Variants in PUDP observed in about 807,000 individuals in gnomAD.
PUDP encodes pseudouridine-5'-phosphatase.
PUDP carries 8 observed loss-of-function variants against 9.4 expected under a neutral mutation model. The observed-to-expected ratio is 0.85, with a 90% confidence interval of 0.50 to 1.53. PUDP has a LOEUF of 1.53. PUDP is among the 40% of genes most tolerant of loss of function. The pLI is 0.00. For synonymous variants in PUDP, 99 were observed against 80.7 expected (o/e 1.23, Z -1.22); for missense variants, 188 against 189.7 (o/e 0.99, Z 0.05).
chrX:7,045,352 C>T (rs780235748), downstream of PUDP, among the ~76,000 whole-genome samples: 4 of 112,166 alleles, frequency 3.6e-5, no homozygotes, highest in East Asian at 5.6e-4. Context: ...GACCAATACA[C>T]GCTGGCTTTT....
At chrX:6,975,228 C>A (rs1928935294) in intron 3 of PUDP, among the ~76,000 whole-genome samples, 1 of 110,265 alleles carries the variant, frequency 9.1e-6, no homozygotes, top group Admixed American at 9.8e-5. Flanking sequence ...TCATCAAACT[C>A]ATTCTCCGTC....
At chrX:6,880,945 A>C (rs1052802527) in intron 3 of PUDP, among the ~76,000 whole-genome samples, 4 of 112,645 alleles carry the variant, frequency 3.6e-5, no homozygotes. Flanking sequence ...TTCTCTCATG[A>C]ATCTTGTAGT....
chrX:6,949,835 C>T (rs1368743358), intron 3 of PUDP, among the ~76,000 whole-genome samples: 1 of 111,765 alleles, frequency 8.9e-6, no homozygotes, highest in Non-Finnish European at 1.9e-5. Context: ...GATCATGGTG[C>T]CAGCCAGGGC....
chrX:6,706,649 C>G (rs747618298), intron 1 of PUDP, among the ~76,000 whole-genome samples: 1 of 111,553 alleles, frequency 9.0e-6, no homozygotes, highest in South Asian at 3.8e-4. Flanking sequence ...GATCAGAATA[C>G]GACACCCAAA....
chrX:6,733,624 G>C (rs1188874866), intron 3 of PUDP, among the ~76,000 whole-genome samples: 2 of 110,116 alleles, frequency 1.8e-5, no homozygotes, highest in Non-Finnish European at 3.8e-5. Flanking sequence ...ATGGTCCATA[G>C]CGGCTCAGAC....
In PUDP at chrX:7,057,964, T is replaced by TGAGA. The variant is rs1930293243; in HGVS notation, c.511-7493_511-7492insTCTC. 1.3e-5 allele frequency: 6 copies of TGAGA among 452,393 alleles called. No homozygotes were observed. The Admixed American group carries it at 2.2e-4, about 17-fold the overall frequency. 37.3% of individuals were successfully genotyped at this position (452,393 alleles called of 1,213,427 possible). ...CCAGGTCTCACTTCCCGGTGATGCT[T>TGAGA]CCACCTTTGGCTCCTCCCTGCTGCA... On this transcript the variant is annotated intron_variant, in intron 3 of 3. Transcript: ENST00000381077.
intron 3 of PUDP, among the ~76,000 whole-genome samples, chrX:6,873,148 G>A (rs891679168): frequency 1.8e-5 from 2 of 111,393 alleles, no homozygotes; most frequent in African/African-American, 6.5e-5. Context: ...TTGTACAGAT[G>A]CTTTGAATTT....
chrX:6,780,623 AT>A (rs763906317), intron 3 of PUDP, among the ~76,000 whole-genome samples: 2 of 111,517 alleles, frequency 1.8e-5, no homozygotes, highest in Non-Finnish European at 3.8e-5. Context: ...GTGAGTCCTC[AT>A]CCTAGGCTTT....
At chrX:6,854,181 T>A (rs1433551664) in intron 3 of PUDP, among the ~76,000 whole-genome samples, 1 of 111,978 alleles carries the variant, frequency 8.9e-6, no homozygotes, top group Non-Finnish European at 1.9e-5. Context: ...AATGTGTATA[T>A]CAAATAAAGA....
chrX:6,720,194 G>GTA (rs771604898), intron 1 of PUDP, among the ~76,000 whole-genome samples: 2 of 93,227 alleles, frequency 2.1e-5, no homozygotes, highest in Non-Finnish European at 4.1e-5. Flanking sequence ...ATACATATGT[G>GTA]TATATATATG....
chrX:7,017,983 G>A (rs1411592125), intron 1 of PUDP, among the ~76,000 whole-genome samples: 1 of 111,645 alleles, frequency 9.0e-6, no homozygotes, highest in Non-Finnish European at 1.9e-5. Flanking sequence ...GGCCACAAGA[G>A]TGACCTCTGG....
At chrX:6,962,310 A>ATAC (rs1928720729) in intron 3 of PUDP, among the ~76,000 whole-genome samples, 1 of 112,488 alleles carries the variant, frequency 8.9e-6, no homozygotes, top group Admixed American at 9.5e-5. Flanking sequence ...TTTGATTGAA[A>ATAC]TACTACACCC....
At chrX:7,083,764 G>A (rs1389294412) in intron 2 of PUDP, among the ~76,000 whole-genome samples, 3 of 110,046 alleles carry the variant, frequency 2.7e-5, no homozygotes, top group Non-Finnish European at 5.7e-5. Context: ...AGCCAGGCGT[G>A]GAGGCACATG....
chrX:7,074,036 T>G (rs983374454), intron 3 of PUDP, among the ~76,000 whole-genome samples: 1 of 112,839 alleles, frequency 8.9e-6, no homozygotes, highest in Admixed American at 9.3e-5. Flanking sequence ...ACTGGTCCCA[T>G]GCAATGGCAG....
intron 1 of PUDP, among the ~76,000 whole-genome samples, chrX:6,718,978 C>A (rs747659452): frequency 9.0e-5 from 10 of 110,983 alleles, no homozygotes; most frequent in African/African-American, 3.3e-4. Context: ...TGCAGAAGCA[C>A]GAGAGGAGAT....
chrX:6,749,951 C>G (rs763551129), intron 3 of PUDP, among the ~76,000 whole-genome samples: 11 of 112,123 alleles, frequency 9.8e-5, no homozygotes, highest in Non-Finnish European at 2.1e-4. Context: ...TATGAAATGA[C>G]TATTGACTAA....
chrX:6,930,111 C>T (rs1316908366), intron 3 of PUDP, among the ~76,000 whole-genome samples: 2 of 110,008 alleles, frequency 1.8e-5, no homozygotes, highest in African/African-American at 6.7e-5. Context: ...GAAGGTGATC[C>T]TAGGCTACCT....
At chrX:6,881,966 T>G (rs995408261) in intron 3 of PUDP, among the ~76,000 whole-genome samples, 5 of 104,651 alleles carry the variant, frequency 4.8e-5, no homozygotes, top group African/African-American at 1.7e-4. Context: ...AGGAATCTCT[T>G]TTTTTTTTTA....
intron 3 of PUDP, among the ~76,000 whole-genome samples, chrX:6,795,091 C>T (rs1246733062): frequency 9.1e-6 from 1 of 109,670 alleles, no homozygotes; most frequent in Non-Finnish European, 1.9e-5. Context: ...AACACAAACA[C>T]ATAACTTTGT....
Sources: gnomAD v4.1 joint callset for allele counts (sites outside exome capture counted in the v4.1 genomes callset) on GRCh38, gnomAD v4.1.1 for gene constraint, MANE v1.5 for transcripts, NCBI Gene and HGNC (gene_info 2026-07-23, HGNC 2026-07-21) for gene names.